The following ABHD8 variants were observed in gnomAD, a reference collection of about 807,000 sequenced individuals.
The protein encoded by ABHD8 is abhydrolase domain containing 8.
ABHD8 carries 10 observed loss-of-function variants against 29.3 expected under a neutral mutation model. That is an observed-to-expected ratio of 0.34 (90% CI 0.21 to 0.58). The LOEUF (loss-of-function observed/expected upper bound fraction) is 0.58, where lower values mean the gene tolerates loss of function less well. ABHD8 is among the 20% of genes least tolerant of loss of function. The pLI is 0.85. For synonymous variants in ABHD8, 282 were observed against 274.6 expected (o/e 1.03, Z -0.27); for missense variants, 556 against 615.3 (o/e 0.90, Z 1.02).
intron 4 of ABHD8, 23 bp downstream of exon 4, chr19:17,294,265 G>A: frequency 6.3e-7 from 1 of 1,589,590 alleles, no homozygotes; most frequent in Non-Finnish European, 8.5e-7. Flanking sequence ...TGTAGCTGTG[G>A]CGCCCCAGGT....
At position 17,299,909 on chromosome 19, in the gene ABHD8, T is replaced by C. The variant is rs533282737; in HGVS notation, c.761+947A>G. On this transcript the variant is annotated intron_variant, in intron 2 of 4. Transcript: ENST00000247706. Reference sequence around the variant, plus strand: ...ACCACCGCGCGTGGTGGCCCCTTTTTTTTTTTTCATGACGGAGTCTCCTTC... The same window carrying C: ...ACCACCGCGCGTGGTGGCCCCTTTTCTTTTTTTCATGACGGAGTCTCCTTC... Among the ~76,000 whole-genome samples the C allele has an allele frequency of 5.3e-5, 8 of 151,876 alleles. No individual in the cohort carries two copies. The East Asian group carries it at 1.6e-3, about 29-fold the overall frequency.
intron 2 of ABHD8, chr19:17,297,659 A>C (rs1186482322): frequency 6.6e-6 from 1 of 152,154 alleles, no homozygotes; most frequent in Non-Finnish European, 1.5e-5. Flanking sequence ...ATGTTATATA[A>C]AGAAATATAA....
chr19:17,293,088 T>C (rs1413813368), intron 4 of ABHD8, among the ~76,000 whole-genome samples: 1 of 125,572 alleles, frequency 8.0e-6, no homozygotes, highest in East Asian at 2.0e-4. Flanking sequence ...CTTCTTTTTT[T>C]CTTTTCTTTC....
In ABHD8 at chr19:17,300,933, A is replaced by G; in HGVS notation, c.684T>C (p.Tyr228=). 2 of 1,613,300 alleles carry G rather than the reference A, an allele frequency of 1.2e-6. No individual in the cohort carries two copies. Among genetic ancestry groups the G allele is most frequent in the Non-Finnish European group, 1.7e-6 (2 of 1,179,720 alleles). ...TTGCTCGCATGTCCTCAGCCAGCGC[A>G]TAGAAGGTGTAGGCTGCGGCCACCT... The part of the protein sequence containing the change: ...APQVAAAYTF[Y]ALAEDMRAIF... The change falls in exon 2 of 5, where the codon TAT becomes TAC. Residue 228 remains tyrosine, a synonymous_variant. Coordinates refer to ENST00000247706, the MANE Select transcript of ABHD8 (RefSeq NM_024527.5).
At chr19:17,293,995 C>T in intron 4 of ABHD8, among the ~76,000 whole-genome samples, 1 of 152,196 alleles carries the variant, frequency 6.6e-6, no homozygotes, top group Non-Finnish European at 1.5e-5. Flanking sequence ...CATACAAATC[C>T]TCCGCTGTGA....
intron 1 of ABHD8, 30 bp from the exon 2 acceptor site, chr19:17,301,654 T>A: frequency 6.6e-7 from 1 of 1,510,620 alleles, no homozygotes; most frequent in Non-Finnish European, 8.8e-7. Flanking sequence ...CCAGTTCAGG[T>A]GCTGTCTCAA....
Position 17,292,211 on chromosome 19 carries a change from T to G in ABHD8, c.*450A>C. ...CGCCAGCCCCCCCATCCCCCCCCCT[T>G]GGGCAAAAATAGCTCCCAGCGCCGA... On this transcript the variant is annotated 3_prime_UTR_variant, in exon 5 of 5. Transcript: ENST00000247706. 5.4e-6 allele frequency: 1 copy of G among 185,982 alleles called. No individual in the cohort carries two copies. Among genetic ancestry groups the G allele is most frequent in the Non-Finnish European group, 1.1e-5 (1 of 90,244 alleles). 11.5% of individuals were successfully genotyped at this position (185,982 alleles called of 1,614,324 possible).
rs528302809 is a variant in ABHD8, at chr19:17,294,792, A to G, written c.815T>C (p.Val272Ala). Residue 272 changes from valine to alanine, a missense_variant, in exon 3 of 5, where the codon GTG becomes GCG. Transcript: ENST00000247706. The part of the protein sequence containing the change: ...AHEYPDLVHK[V>A]IMINGGGPTA... The stretch of plus-strand genomic sequence containing the variant: ...AGGGCCCCCGCCATTGATCATGATC[A>G]CCTTGTGCACTAGGTCTGGGTACTC... 6.2e-7 allele frequency: 1 copy of G among 1,614,216 alleles called. No individual in the cohort carries two copies. Among genetic ancestry groups the G allele is most frequent in the South Asian group, 1.1e-5 (1 of 91,084 alleles).
chr19:17,294,266 C>G (rs749967311), intron 4 of ABHD8, 22 bp downstream of exon 4: 19 of 1,589,058 alleles, frequency 1.2e-5, no homozygotes, highest in Non-Finnish European at 1.5e-5. Context: ...GTAGCTGTGG[C>G]GCCCCAGGTG....
rs1349580247 is a variant in ABHD8, at chr19:17,301,119, G to T, written c.498C>A (p.Ile166=). The change falls in exon 2 of 5, where the codon ATC becomes ATA. Residue 166 remains isoleucine (I), a synonymous_variant. Transcript: ENST00000247706. The part of the protein sequence containing the change: ...RTIHIDCEKR[I]TSCKGAQADV... ...CGGCCTGGGCGCCTTTGCAGCTAGT[G>T]ATGCGCTTCTCACAGTCAATATGGA... 1 of 1,613,124 alleles carries T rather than the reference G, an allele frequency of 6.2e-7. No homozygotes were observed. The highest frequency in any genetic ancestry group is 2.2e-5 in the East Asian group (1 of 44,890).
In ABHD8 at chr19:17,300,906, G is replaced by T; in HGVS notation, c.711C>A (p.Ile237=). The change falls in exon 2 of 5, where the codon ATC becomes ATA. Residue 237 remains isoleucine (I), a synonymous_variant. Transcript: ENST00000247706. ...FYALAEDMRA[I]FKRYAKKRNV... is the part of the protein sequence containing the mutation. The stretch of plus-strand genomic sequence containing the variant: ...TTCGCTTCTTGGCATAGCGCTTGAA[G>T]ATTGCTCGCATGTCCTCAGCCAGCG... 6.2e-7 allele frequency: 1 copy of T among 1,607,758 alleles called. No individual in the cohort carries two copies. Among genetic ancestry groups the T allele is most frequent in the Non-Finnish European group, 8.5e-7 (1 of 1,175,654 alleles).
intron 2 of ABHD8, among the ~76,000 whole-genome samples, chr19:17,295,122 G>A (rs62126249): frequency 1.0e-5 from 1 of 98,552 alleles, no homozygotes; most frequent in East Asian, 2.5e-4. Flanking sequence ...TTTTTGAGAC[G>A]GAGTCTCGCT....
At position 17,292,303 on chromosome 19, in the gene ABHD8, G is replaced by T. The variant is rs992255812; in HGVS notation, c.*358C>A. Reference sequence around the variant, plus strand: ...CTCGAGGGTCCCTGTGGGGCTCGTGGGTCCCAGGATCAAGCACGGCTGACA... The same window carrying T: ...CTCGAGGGTCCCTGTGGGGCTCGTGTGTCCCAGGATCAAGCACGGCTGACA... On this transcript the variant is annotated 3_prime_UTR_variant, in exon 5 of 5. Transcript: ENST00000247706. 2 of 375,956 alleles carry T rather than the reference G, an allele frequency of 5.3e-6. No homozygotes were observed. Among genetic ancestry groups the T allele is most frequent in the Non-Finnish European group, 4.8e-6 (1 of 210,440 alleles). 23.3% of individuals were successfully genotyped at this position (375,956 alleles called of 1,614,324 possible).
At chr19:17,296,856 G>A (rs890468405) in intron 2 of ABHD8, among the ~76,000 whole-genome samples, 5 of 151,948 alleles carry the variant, frequency 3.3e-5, no homozygotes, top group East Asian at 3.9e-4. Context: ...CATTATGCCC[G>A]GCTAATTTTT....
chr19:17,294,481 G>C lies in ABHD8; in HGVS notation c.956C>G (p.Ala319Gly), dbSNP rs894626012. The C allele has an allele frequency of 6.2e-7, 1 of 1,614,138 alleles. No individual in the cohort carries two copies. Among genetic ancestry groups the C allele is most frequent in the Non-Finnish European group, 8.5e-7 (1 of 1,180,012 alleles). The change falls in exon 4 of 5, where the codon GCC (alanine) becomes GGC (glycine). Residue 319 changes from alanine (A) to glycine (G), a missense_variant. By Grantham distance (60) the Ala-to-Gly change is moderately conservative. Coordinates refer to ENST00000247706, the MANE Select transcript of ABHD8 (RefSeq NM_024527.5). ...CTCCTTTAACAGCTGCTTCTCCTTG[G>C]CTCCTTGGCGGGCGAAGCCGGCCCT... is the stretch of plus-strand genomic sequence containing the variant. ...FLKAGFARQG[A>G]KEKQLLKEGN...
At position 17,301,199 on chromosome 19, in the gene ABHD8, T is replaced by G. The variant is rs1273331087; in HGVS notation, c.418A>C (p.Ser140Arg). 6.2e-7 allele frequency: 1 copy of G among 1,602,502 alleles called. No homozygotes were observed. The highest frequency in any genetic ancestry group is 1.1e-5 in the South Asian group (1 of 90,634). ...CGCCGCCCACCACTGCCACTGCCGCTGCCGCTGCCTGCGCTGCCGGGGGCC... is the reference window on the plus strand; with the variant it reads ...CGCCGCCCACCACTGCCACTGCCGCGGCCGCTGCCTGCGCTGCCGGGGGCC... ...RLAPGSAGSG[S>R]GSGSGGRRRR... is the part of the protein sequence containing the mutation. The change falls in exon 2 of 5, where the codon AGC (serine) becomes CGC (arginine). Residue 140 changes from serine (S) to arginine (R), a missense_variant. Physicochemically the swap from Ser to Arg is moderately radical, Grantham distance 110. Coordinates refer to ENST00000247706, the MANE Select transcript of ABHD8 (RefSeq NM_024527.5).
rs1217231353 is a variant in ABHD8 at position 17,300,949 on chromosome 19, G to A, written c.668C>T (p.Ala223Val). The change falls in exon 2 of 5, where the codon GCA becomes GTA. Residue 223 changes from alanine to valine, a missense_variant. Ala to Val is a moderately conservative substitution (Grantham distance 64). Around this residue, in one of 2 missense-constraint regions of ABHD8, gnomAD observed 270 missense variants for 353.9 expected, o/e 0.76. Transcript: ENST00000247706. ...HGASSAPQVA[A>V]AYTFYALAED... Reference sequence around the variant, plus strand: ...AGCCAGCGCATAGAAGGTGTAGGCTGCGGCCACCTGGGGCGCAGAGCTGGC... The same window carrying A: ...AGCCAGCGCATAGAAGGTGTAGGCTACGGCCACCTGGGGCGCAGAGCTGGC... The A allele has an allele frequency of 1.2e-6, 2 of 1,613,416 alleles. No homozygotes were observed. Among genetic ancestry groups the A allele is most frequent in the African/African-American group, 2.7e-5 (2 of 74,938 alleles).
At position 17,294,358 on chromosome 19, in the gene ABHD8, A is replaced by G; in HGVS notation, c.1079T>C (p.Val360Ala). The G allele has an allele frequency of 6.2e-7, 1 of 1,613,658 alleles. No homozygotes were observed. The highest frequency in any genetic ancestry group is 8.5e-7 in the Non-Finnish European group (1 of 1,179,992). The change falls in exon 4 of 5, where the codon GTG becomes GCG. Residue 360 changes from valine (V) to alanine (A), a missense_variant. By Grantham distance (64) the Val-to-Ala change is moderately conservative. This residue lies in a region of ABHD8 where 270 missense variants were observed against 353.9 expected (regional missense o/e 0.76). Coordinates refer to ENST00000247706, the MANE Select transcript of ABHD8 (RefSeq NM_024527.5). ...GDEVYHAELTVPVLLVHGMHD... is the reference protein window; with the variant it reads ...GDEVYHAELTAPVLLVHGMHD... ...CATGCCGTGGACAAGCAGGACGGGC[A>G]CGGTGAGCTCGGCGTGGTAGACCTC...
chr19:17,301,274 C>T lies in ABHD8; in HGVS notation c.343G>A (p.Ala115Thr). ...TCTGCCAGCTCCACCTCCAGGGCGG[C>T]CGGCGGCTCCCCAGAGCCATTCTGC... Reference protein sequence around the residue: ...HGQNGSGEPPAALEVELADPA... With the variant: ...HGQNGSGEPPTALEVELADPA... Residue 115 changes from alanine to threonine, a missense_variant, in exon 2 of 5, where the codon GCC becomes ACC. Ala to Thr is a moderately conservative substitution (Grantham distance 58, BLOSUM62 0). Coordinates refer to ENST00000247706, the MANE Select transcript of ABHD8 (RefSeq NM_024527.5). 6.2e-7 allele frequency: 1 copy of T among 1,603,822 alleles called. No homozygotes were observed. The highest frequency in any genetic ancestry group is 8.5e-7 in the Non-Finnish European group (1 of 1,178,504).
Sources: gnomAD v4.1 joint callset for allele counts (sites outside exome capture counted in the v4.1 genomes callset) on GRCh38, gnomAD v4.1.1 for gene constraint, gnomAD v4.1.1 regional missense constraint, MANE v1.5 for transcripts, NCBI Gene and HGNC (gene_info 2026-07-23, HGNC 2026-07-21) for gene names.